The following ARID2 variants were observed in gnomAD, a reference collection of about 807,000 sequenced individuals.
ARID2 encodes AT-rich interaction domain 2.
Under a neutral mutation model 184.6 loss-of-function variants are expected in ARID2, and 32 were observed. The observed-to-expected ratio is 0.17, with a 90% CI of 0.13 to 0.23. The LOEUF is 0.23. Ranked by LOEUF, ARID2 falls within the 10% of genes least tolerant of loss-of-function variation. The probability of loss-of-function intolerance (pLI) is 1.00; values close to 1 mark genes in which losing one functional copy is unlikely to be tolerated. For synonymous variants in ARID2, 836 were observed against 772.6 expected (o/e 1.08, Z -1.36); for missense variants, 1,696 against 2,197.6 (o/e 0.77, Z 4.56).
chr12:45,766,608 G>T (rs1402651901), intron 3 of ARID2, among the ~76,000 whole-genome samples: 2 of 151,188 alleles, frequency 1.3e-5, no homozygotes, highest in Non-Finnish European at 3.0e-5. Flanking sequence ...CCGCCTCCTG[G>T]GTTCATGCCC....
chr12:45,783,303 C>G (rs778234464), intron 3 of ARID2, among the ~76,000 whole-genome samples: 3 of 152,120 alleles, frequency 2.0e-5, no homozygotes, highest in African/African-American at 4.8e-5. Flanking sequence ...ATGAAATTAG[C>G]TAATTCAGCA....
Position 45,852,791 on chromosome 12 carries a change from G to A in ARID2, c.4668G>A (p.Val1556=). ...NAGCSATMVA[V]PAGADPSTVA... Reference sequence around the variant, plus strand: ...GCTGCAGCGCAACAATGGTTGCTGTGCCAGCAGGAGCAGATCCAAGCACTG... The same window carrying A: ...GCTGCAGCGCAACAATGGTTGCTGTACCAGCAGGAGCAGATCCAAGCACTG... The change falls in exon 15 of 21, where the codon GTG becomes GTA. Residue 1556 remains valine, a synonymous_variant. Transcript: ENST00000334344. 1.9e-6 allele frequency: 3 copies of A among 1,614,142 alleles called. No homozygotes were observed. The highest frequency in any genetic ancestry group is 2.5e-6 in the Non-Finnish European group (3 of 1,180,002).
chr12:45,852,910 T>G lies in ARID2; in HGVS notation c.4773+14T>G, dbSNP rs764107975. The G allele has an allele frequency of 3.2e-6, 5 of 1,541,898 alleles. No homozygotes were observed. The highest frequency in any genetic ancestry group is 4.4e-6 in the Non-Finnish European group (5 of 1,145,842). Reference sequence around the variant, plus strand: ...GTGGTCCCGCAGGTAAGTTATTCCATGATCACATTTCTCTTATGAAATTTC... The same window carrying G: ...GTGGTCCCGCAGGTAAGTTATTCCAGGATCACATTTCTCTTATGAAATTTC... On this transcript the variant is annotated intron_variant, in intron 15 of 20. Coordinates refer to ENST00000334344, the MANE Select transcript of ARID2 (RefSeq NM_152641.4).
Position 45,852,413 on chromosome 12 carries a change from T to C in ARID2, c.4290T>C (p.Ser1430=), listed in dbSNP as rs1943570693. 1.9e-6 allele frequency: 3 copies of C among 1,614,016 alleles called. No homozygotes were observed. The highest frequency in any genetic ancestry group is 1.1e-5 in the South Asian group (1 of 91,090). ...VLTLGGSSVS[S]IQEASNAATQ... ...CTTTGGGTGGTTCATCTGTGAGCAG[T>C]ATACAGGAGGCTTCAAATGCGGCAA... The change falls in exon 15 of 21, where the codon AGT becomes AGC. Residue 1430 remains serine (S), a synonymous_variant. Coordinates refer to ENST00000334344, the MANE Select transcript of ARID2 (RefSeq NM_152641.4).
intron 16 of ARID2, among the ~76,000 whole-genome samples, chr12:45,875,696 C>A (rs530577693): frequency 6.6e-6 from 1 of 152,356 alleles, no homozygotes; most frequent in African/African-American, 2.4e-5. Context: ...TCAGGACTTG[C>A]TTTACCTTGC....
intron 3 of ARID2, among the ~76,000 whole-genome samples, chr12:45,782,788 A>G (rs1412088115): frequency 6.6e-6 from 1 of 151,932 alleles, no homozygotes; most frequent in Non-Finnish European, 1.5e-5. Flanking sequence ...ATGAAGAGAT[A>G]GGAAACCTCA....
chr12:45,888,677 A>T (rs892157131), intron 16 of ARID2, among the ~76,000 whole-genome samples: 4 of 152,166 alleles, frequency 2.6e-5, no homozygotes, highest in Non-Finnish European at 5.9e-5. Flanking sequence ...AGATTTATAC[A>T]TATCATCAAA....
chr12:45,906,078 A>G lies in ARID2; in HGVS notation c.*1000A>G. Reference sequence around the variant, plus strand: ...AAGGTATTTTTTGGTTTTCCTTAACATGTATCCACTGTAAACGTTTGTCGT... The same window carrying G: ...AAGGTATTTTTTGGTTTTCCTTAACGTGTATCCACTGTAAACGTTTGTCGT... On this transcript the variant is annotated 3_prime_UTR_variant, in exon 21 of 21. Transcript: ENST00000334344. 4.3e-6 allele frequency: 1 copy of G among 232,278 alleles called. No individual in the cohort carries two copies. Among genetic ancestry groups the G allele is most frequent in the East Asian group, 6.1e-5 (1 of 16,292 alleles). The allele number at this position is 232,278 out of a possible 1,614,324, so 14.4% of individuals were successfully genotyped here.
intron 12 of ARID2, 44 bp downstream of exon 12, chr12:45,846,981 A>G (rs1943455251): frequency 6.4e-7 from 1 of 1,564,820 alleles, no homozygotes; most frequent in African/African-American, 1.4e-5. Context: ...TGGGAGGAGT[A>G]AAGCAAAGAA....
At chr12:45,895,974 T>C (rs1944363547) in intron 20 of ARID2, among the ~76,000 whole-genome samples, 1 of 152,238 alleles carries the variant, frequency 6.6e-6, no homozygotes, top group Non-Finnish European at 1.5e-5. Context: ...AGATTTCTCA[T>C]GTTCATGGAT....
intron 3 of ARID2, among the ~76,000 whole-genome samples, chr12:45,747,931 T>TGGGTTTGATTCCAGACCAC (rs1941389938): frequency 6.6e-6 from 1 of 152,188 alleles, no homozygotes; most frequent in Non-Finnish European, 1.5e-5. Flanking sequence ...AGAGATGCTG[T>TGGGTTTGATTCCAGACCAC]GGGTTTGATT....
chr12:45,890,641 T>G (rs1944286130), intron 16 of ARID2, among the ~76,000 whole-genome samples: 1 of 152,206 alleles, frequency 6.6e-6, no homozygotes, highest in Admixed American at 6.5e-5. Flanking sequence ...TATAGATGCA[T>G]GTGATGGAAA....
chr12:45,786,647 A>C (rs991226213), intron 3 of ARID2, among the ~76,000 whole-genome samples: 3 of 152,238 alleles, frequency 2.0e-5, no homozygotes, highest in Admixed American at 6.5e-5. Flanking sequence ...ATATATGTCC[A>C]AAGGGAAAGA....
intron 10 of ARID2, 146 bp from the exon 11 acceptor site, chr12:45,839,183 A>G: frequency 1.2e-6 from 1 of 834,554 alleles, no homozygotes; most frequent in Non-Finnish European, 1.7e-6. Context: ...TTTTTTTTAA[A>G]GATGCACAGG....
chr12:45,750,938 C>T (rs1941452648), intron 3 of ARID2, among the ~76,000 whole-genome samples: 1 of 152,138 alleles, frequency 6.6e-6, no homozygotes. Flanking sequence ...CTTCCAGAGA[C>T]CAAACTTTTA....
rs1942962849 is a variant in ARID2 at position 45,824,826 on chromosome 12, A to G, written c.705+3339A>G. 2.0e-5 allele frequency among the ~76,000 whole-genome samples: 3 copies of G among 151,202 alleles called. No individual in the cohort carries two copies. The Admixed American group carries it at 2.0e-4, about 10-fold the overall frequency. On this transcript the variant is annotated intron_variant, in intron 6 of 20. Transcript: ENST00000334344. ...ATAGCCAAGATATGAAATTGACTGAAGTATCCAGTAACAGGTGAATGAATA... is the reference window on the plus strand; with the variant it reads ...ATAGCCAAGATATGAAATTGACTGAGGTATCCAGTAACAGGTGAATGAATA...
intron 3 of ARID2, among the ~76,000 whole-genome samples, chr12:45,750,792 T>A (rs1941449661): frequency 6.6e-6 from 1 of 152,136 alleles, no homozygotes; most frequent in Admixed American, 6.6e-5. Flanking sequence ...TTTATTTTAA[T>A]CCCCCAAACT....
chr12:45,859,593 T>G (rs985770800), intron 15 of ARID2, among the ~76,000 whole-genome samples: 4 of 152,204 alleles, frequency 2.6e-5, no homozygotes, highest in African/African-American at 9.6e-5. Flanking sequence ...TTTTTCCCTT[T>G]GTGGTATTTC....
At chr12:45,862,216 C>A (rs1428812825) in intron 16 of ARID2, among the ~76,000 whole-genome samples, 2 of 152,016 alleles carry the variant, frequency 1.3e-5, no homozygotes, top group Admixed American at 6.6e-5. Flanking sequence ...TATCATAGTT[C>A]ACCATGTTAG....
Sources: gnomAD v4.1 joint callset for allele counts (sites outside exome capture counted in the v4.1 genomes callset) on GRCh38, gnomAD v4.1.1 for gene constraint, MANE v1.5 for transcripts, NCBI Gene and HGNC (gene_info 2026-07-23, HGNC 2026-07-21) for gene names.